Variants in TRDMT1 observed in about 807,000 individuals in gnomAD.
TRDMT1 encodes tRNA (cytosine(38)-C(5))-methyltransferase.
A neutral mutation model predicts 51.2 loss-of-function variants in TRDMT1; 49 were observed. The observed-to-expected ratio is 0.96, with a 90% CI of 0.76 to 1.21. The LOEUF is 1.21. TRDMT1 is among the 50% of genes most tolerant of loss of function. The pLI is 0.00. For synonymous variants in TRDMT1, 187 were observed against 164.6 expected (o/e 1.14, Z -1.04); for missense variants, 534 against 462.3 (o/e 1.16, Z -1.42).
chr10:17,169,065 T>G (rs970701657), intron 2 of TRDMT1, 148 bp from the exon 3 acceptor site: 2 of 644,488 alleles, frequency 3.1e-6, no homozygotes, highest in Non-Finnish European at 5.1e-6. Context: ...TTAACTAACT[T>G]CTCAAAGCAA....
At chr10:17,176,263 G>C (rs1341385775) in intron 1 of TRDMT1, among the ~76,000 whole-genome samples, 2 of 152,100 alleles carry the variant, frequency 1.3e-5, no homozygotes, top group African/African-American at 4.8e-5. Flanking sequence ...GCATGATGTA[G>C]CCTGCTTGTA....
At chr10:17,157,219 T>A (rs553334644) in intron 8 of TRDMT1, among the ~76,000 whole-genome samples, 3 of 152,308 alleles carry the variant, frequency 2.0e-5, no homozygotes, top group Non-Finnish European at 4.4e-5. Flanking sequence ...AATGACATTG[T>A]CTTTTATGAG....
rs1282539951 is a variant in TRDMT1 at position 17,144,061 on chromosome 10, G to A, written c.*4979C>T. The A allele has an allele frequency of 2.0e-6, 2 of 985,246 alleles. No individual in the cohort carries two copies. Among genetic ancestry groups the A allele is most frequent in the African/African-American group, 3.5e-5 (2 of 57,198 alleles). 61.0% of individuals were successfully genotyped at this position (985,246 alleles called of 1,614,324 possible). ...CAAAATGGCTGAAGTTGTAGGAAAGGGTGAGAATCTCTAAGAAAAATGGCA... is the reference window on the plus strand; with the variant it reads ...CAAAATGGCTGAAGTTGTAGGAAAGAGTGAGAATCTCTAAGAAAAATGGCA... On this transcript the variant is annotated 3_prime_UTR_variant, in exon 11 of 11. Transcript: ENST00000377799.
intron 10 of TRDMT1, chr10:17,150,757 A>G (rs1196336355): frequency 1.4e-5 from 14 of 985,162 alleles, no homozygotes; most frequent in Non-Finnish European, 1.7e-5. Flanking sequence ...CTGCAATAAA[A>G]TAACAGCAAT....
chr10:17,162,357 C>CA (rs1475933810), intron 3 of TRDMT1, 120 bp from the exon 4 acceptor site: 18 of 867,182 alleles, frequency 2.1e-5, no homozygotes, highest in Non-Finnish European at 2.7e-5. Context: ...TTGGTCCTCA[C>CA]AAAAAATAGG....
At chr10:17,162,720 G>A (rs985053154) in intron 3 of TRDMT1, among the ~76,000 whole-genome samples, 6 of 152,180 alleles carry the variant, frequency 3.9e-5, no homozygotes, top group Non-Finnish European at 7.3e-5. Flanking sequence ...GGGTACGCCT[G>A]TAATCCCACC....
intron 2 of TRDMT1, chr10:17,171,896 A>G (rs1221396277): frequency 6.1e-6 from 1 of 162,966 alleles, no homozygotes; most frequent in Non-Finnish European, 1.5e-5. Flanking sequence ...TTCATTCTAG[A>G]AAAATTTTTA....
At chr10:17,172,501 G>C (rs992934517) in intron 2 of TRDMT1, among the ~76,000 whole-genome samples, 2 of 147,944 alleles carry the variant, frequency 1.4e-5, no homozygotes, top group African/African-American at 5.0e-5. Context: ...CTCCAAAAAA[G>C]AAAAAAAAAT....
rs1840471254 is a variant in TRDMT1 at position 17,162,245 on chromosome 10, G to C, written c.252-8C>G. The C allele has an allele frequency of 2.7e-6, 4 of 1,476,058 alleles. No individual in the cohort carries two copies. Among genetic ancestry groups the C allele is most frequent in the Admixed American group, 2.4e-5 (1 of 41,268 alleles). 91.4% of individuals were successfully genotyped at this position (1,476,058 alleles called of 1,614,324 possible). On this transcript the variant is annotated splice_region_variant and splice_polypyrimidine_tract_variant and intron_variant, in intron 3 of 10. Coordinates refer to ENST00000377799, the MANE Select transcript of TRDMT1 (RefSeq NM_004412.7). The stretch of plus-strand genomic sequence containing the variant: ...TCACCCTGCCGGCCAATCCTAAAGG[G>C]GTAAAAAAAAAAAAAAACAAAAAAA...
intron 1 of TRDMT1, among the ~76,000 whole-genome samples, chr10:17,178,522 A>T (rs1445233346): frequency 6.6e-6 from 1 of 151,992 alleles, no homozygotes; most frequent in Admixed American, 6.6e-5. Context: ...CTAAAAATAC[A>T]AAAATTAGCC....
At position 17,142,016 on chromosome 10, in the gene TRDMT1, C is replaced by T. The variant is rs1837730927; in HGVS notation, c.*7024G>A. The stretch of plus-strand genomic sequence containing the variant: ...ATATAGTGCACCTACCATAATGGTT[C>T]TTTTGTTAACTTCTATTTCTTTGCT... On this transcript the variant is annotated 3_prime_UTR_variant, in exon 11 of 11. Transcript: ENST00000377799. Among the ~76,000 whole-genome samples the T allele has an allele frequency of 6.6e-6, 1 of 151,274 alleles. No homozygotes were observed. The highest frequency in any genetic ancestry group is 2.4e-5 in the African/African-American group (1 of 41,208).
At position 17,161,635 on chromosome 10, in the gene TRDMT1, GGTAA is replaced by G. The variant is rs368236582; in HGVS notation, c.324-91_324-88del. The G allele has an allele frequency of 1.1e-3, 770 of 732,092 alleles. 3 individuals are homozygous for G. In the African/African-American group the frequency reaches 0.012, roughly 12 times the overall value. 45.3% of individuals were successfully genotyped at this position (732,092 alleles called of 1,614,324 possible). A position where few individuals can be genotyped will look rare whatever the true frequency, so the allele number is the denominator to read the frequency against. Reference sequence around the variant, plus strand: ...AAATCATTACTTGTGGGAAATACGAGGTAAGTAATTTTCTGAACTCTTTTTAAAA... The same window carrying G: ...AAATCATTACTTGTGGGAAATACGAGGTAATTTTCTGAACTCTTTTTAAAA... On this transcript the variant is annotated intron_variant, in intron 4 of 10. Coordinates refer to ENST00000377799, the MANE Select transcript of TRDMT1 (RefSeq NM_004412.7).
At chr10:17,167,184 T>C (rs1187279945) in intron 3 of TRDMT1, among the ~76,000 whole-genome samples, 1 of 152,190 alleles carries the variant, frequency 6.6e-6, no homozygotes, top group Non-Finnish European at 1.5e-5. Flanking sequence ...GCCTGGCTTG[T>C]AGGTGAACCA....
At chr10:17,196,481 T>G (rs906939841) in intron 1 of TRDMT1, among the ~76,000 whole-genome samples, 1 of 152,270 alleles carries the variant, frequency 6.6e-6, no homozygotes, top group African/African-American at 2.4e-5. Flanking sequence ...CAGGCTCCAC[T>G]GATATATAAC....
At position 17,195,555 on chromosome 10, in the gene TRDMT1, A is replaced by G. The variant is rs184663741; in HGVS notation, c.64+6016T>C. Among the ~76,000 whole-genome samples the G allele has an allele frequency of 2.0e-3, 299 of 152,238 alleles. 2 individuals carry two copies. Among genetic ancestry groups the G allele is most frequent in the Admixed American group, 2.7e-3 (41 of 15,284 alleles). On this transcript the variant is annotated intron_variant, in intron 1 of 10. Transcript: ENST00000377799. Reference sequence around the variant, plus strand: ...ATACCTCACATCTGAGCATCACACAATATACCTAAGTAACAAACTTGCACA... The same window carrying G: ...ATACCTCACATCTGAGCATCACACAGTATACCTAAGTAACAAACTTGCACA...
rs1444528008 is a variant in TRDMT1, at chr10:17,146,294, C to A, written c.*2746G>T. 15 of 985,286 alleles carry A rather than the reference C, an allele frequency of 1.5e-5. No homozygotes were observed. The highest frequency in any genetic ancestry group is 1.7e-5 in the African/African-American group (1 of 57,238). The allele number at this position is 985,286 out of a possible 1,614,324, so 61.0% of individuals were successfully genotyped here. On this transcript the variant is annotated 3_prime_UTR_variant, in exon 11 of 11. Transcript: ENST00000377799. The stretch of plus-strand genomic sequence containing the variant: ...GTTGGCTGAAGGTTGGAGGTATTTT[C>A]TCATCTTTCCAGACATAGGGCAGTG...
intron 3 of TRDMT1, among the ~76,000 whole-genome samples, chr10:17,167,066 T>C (rs887166801): frequency 5.9e-5 from 9 of 152,204 alleles, no homozygotes; most frequent in Admixed American, 2.0e-4. Context: ...TCTTTTATTA[T>C]ATAGCTTATA....
chr10:17,156,239 CT>C (rs747213529), intron 8 of TRDMT1, among the ~76,000 whole-genome samples: 268 of 143,524 alleles, frequency 1.9e-3, no homozygotes, highest in South Asian at 2.0e-3. Context: ...CAAAATTTTT[CT>C]TTTTTTTTTT....
rs548138154 is a variant in TRDMT1, at chr10:17,138,838, G to C, written c.*10202C>G. ...GAAATTCAAATCCAGAGGGACAAAC[G>C]CAATAGGGGAATAGGGCTTTGGAGG... is the stretch of plus-strand genomic sequence containing the variant. On this transcript the variant is annotated 3_prime_UTR_variant, in exon 11 of 11. Coordinates refer to ENST00000377799, the MANE Select transcript of TRDMT1 (RefSeq NM_004412.7). 5.9e-5 allele frequency among the ~76,000 whole-genome samples: 9 copies of C among 151,888 alleles called. No individual in the cohort carries two copies. In the South Asian group the frequency reaches 1.9e-3, roughly 32 times the overall value.
Sources: allele counts gnomAD v4.1 joint callset (sites outside exome capture counted in the v4.1 genomes callset), GRCh38; gene constraint gnomAD v4.1.1; transcripts MANE v1.5; gene names NCBI Gene and HGNC (gene_info 2026-07-23, HGNC 2026-07-21).